Variants in DRC5 observed in about 807,000 individuals in gnomAD.
DRC5 encodes the protein T-complex-associated testis-expressed protein 1.
chr6:44,283,746 C>T, the DRC5 span, among the ~76,000 whole-genome samples: 6 of 152,342 alleles, frequency 3.9e-5, no homozygotes, highest in South Asian at 4.1e-4. Flanking sequence ...AGGCTTGTAA[C>T]GCTGCATGCC....
At chr6:44,290,039 G>A in the DRC5 span, among the ~76,000 whole-genome samples, 1 of 152,256 alleles carries the variant, frequency 6.6e-6, no homozygotes, top group African/African-American at 2.4e-5. Flanking sequence ...GTGGCAGGGA[G>A]AGAGATAGTG....
the DRC5 span, among the ~76,000 whole-genome samples, chr6:44,290,474 G>C: frequency 2.0e-5 from 3 of 152,176 alleles, no homozygotes; most frequent in Non-Finnish European, 2.9e-5. Flanking sequence ...CTTGAGTGCT[G>C]ACCTGAGATG....
chr6:44,286,477 G>C, the DRC5 span: 2 of 1,614,210 alleles, frequency 1.2e-6, no homozygotes, highest in Non-Finnish European at 8.5e-7. Flanking sequence ...CAGGGGACAG[G>C]TGGTTCAGGA....
At chr6:44,286,365 C>G in the DRC5 span, 1 of 1,614,066 alleles carries the variant, frequency 6.2e-7, no homozygotes, top group African/African-American at 1.3e-5. Flanking sequence ...TTCCAGCTGC[C>G]GCCATGGTGG....
the DRC5 span, among the ~76,000 whole-genome samples, chr6:44,285,492 G>T: frequency 6.6e-6 from 1 of 152,214 alleles, no homozygotes; most frequent in Non-Finnish European, 1.5e-5. Flanking sequence ...GAGGCTCAAG[G>T]GATTCTCCTA....
the DRC5 span, chr6:44,287,362 G>C: frequency 3.6e-6 from 2 of 556,746 alleles, no homozygotes; most frequent in South Asian, 1.6e-4. Flanking sequence ...CCTGCCAGTG[G>C]GAACAGAAGG....
At chr6:44,288,993 C>CAAAAAAAAAAAAAAAAAAAA in the DRC5 span, among the ~76,000 whole-genome samples, 1 of 32,828 alleles carries the variant, frequency 3.0e-5, no homozygotes, top group African/African-American at 1.6e-4. Context: ...GACTCTGTCT[C>CAAAAAAAAAAAAAAAAAAAA]AAAAAAAAAA....
At chr6:44,288,423 C>T in the DRC5 span, among the ~76,000 whole-genome samples, 4 of 152,256 alleles carry the variant, frequency 2.6e-5, no homozygotes, top group South Asian at 2.1e-4. Context: ...AGAAGTATCA[C>T]GGGTGGGTTT....
chr6:44,297,581 C>G, the DRC5 span: 11 of 152,222 alleles, frequency 7.2e-5, no homozygotes, highest in Admixed American at 3.3e-4. Context: ...TAGAGGGGCT[C>G]CCGGGCCCAG....
At chr6:44,297,665 C>G in the DRC5 span, 12 of 152,250 alleles carry the variant, frequency 7.9e-5, no homozygotes, top group Admixed American at 5.2e-4. Flanking sequence ...TCACCCGCTC[C>G]GGGAGCCCCG....
chr6:44,289,012 A>AG, the DRC5 span, among the ~76,000 whole-genome samples: 10 of 144,080 alleles, frequency 6.9e-5, no homozygotes, highest in African/African-American at 1.3e-4. Flanking sequence ...AAAAAAAAAA[A>AG]AAAAAAAAAA....
the DRC5 span, among the ~76,000 whole-genome samples, chr6:44,281,575 G>A: frequency 6.6e-6 from 1 of 152,148 alleles, no homozygotes; most frequent in Non-Finnish European, 1.5e-5. Context: ...AGTAGATATG[G>A]GGTTTCACCA....
At chr6:44,280,477 T>A in the DRC5 span, 1 of 971,160 alleles carries the variant, frequency 1.0e-6, no homozygotes, top group Non-Finnish European at 1.6e-6. Flanking sequence ...TAGATGTGAC[T>A]AAAACAAAAG....
chr6:44,279,701 G>T, the DRC5 span: 1 of 156,390 alleles, frequency 6.4e-6, no homozygotes, highest in Non-Finnish European at 1.4e-5. Flanking sequence ...CATCTACAGG[G>T]ATGAGGGTGG....
the DRC5 span, among the ~76,000 whole-genome samples, chr6:44,294,803 A>C: frequency 4.6e-5 from 7 of 151,060 alleles, no homozygotes; most frequent in Admixed American, 2.0e-4. Context: ...AGAAAGAAAG[A>C]AAAAGAAAGG....
the DRC5 span, among the ~76,000 whole-genome samples, chr6:44,294,124 A>C: frequency 2.6e-5 from 4 of 152,002 alleles, no homozygotes. Context: ...CTGGGATTAC[A>C]GGCATGCACC....
the DRC5 span, among the ~76,000 whole-genome samples, chr6:44,297,000 GCCT>G: frequency 3.3e-5 from 5 of 152,276 alleles, no homozygotes; most frequent in Non-Finnish European, 7.3e-5. Context: ...CCCTGGGCTG[GCCT>G]CCTCCCAACT....
At chr6:44,282,537 T>C in the DRC5 span, 3 of 1,593,944 alleles carry the variant, frequency 1.9e-6, no homozygotes, top group Non-Finnish European at 2.6e-6. Context: ...ATCATCCACC[T>C]TGCTTCGGGT....
the DRC5 span, chr6:44,280,206 T>C: frequency 1.2e-6 from 2 of 1,614,184 alleles, no homozygotes; most frequent in Non-Finnish European, 1.7e-6. Flanking sequence ...CTCAGGGCCA[T>C]TGGCAGTTAT....
Sources: allele counts gnomAD v4.1 joint callset (sites outside exome capture counted in the v4.1 genomes callset), GRCh38; gene constraint gnomAD v4.1.1; transcripts MANE v1.5; gene names NCBI Gene and HGNC (gene_info 2026-07-23, HGNC 2026-07-21).